The following SPIDR variants were observed in gnomAD, a reference collection of about 807,000 sequenced individuals.
The protein encoded by SPIDR is scaffold protein involved in DNA repair.
In SPIDR, 93 loss-of-function variants were observed where a neutral mutation model predicts 104.6. The ratio of observed to expected loss-of-function variants is 0.89; its 90% CI spans 0.75 to 1.06. The LOEUF (loss-of-function observed/expected upper bound fraction) is 1.06. Ranked by LOEUF, SPIDR falls within the 50% of genes least tolerant of loss-of-function variation. The pLI, the probability that SPIDR is intolerant of heterozygous loss-of-function variation, is 0.00. For missense variants in SPIDR, 1,154 were observed against 1,111.2 expected (o/e 1.04, Z -0.55); for synonymous variants, 431 against 416.9 (o/e 1.03, Z -0.41).
chr8:47,283,945 G>A, intron 2 of SPIDR, 83 bp from the exon 3 acceptor site: 1 of 981,154 alleles, frequency 1.0e-6, no homozygotes, highest in Non-Finnish European at 1.6e-6. Flanking sequence ...TAAGGAGAGT[G>A]TAGTTTAAGA....
intron 8 of SPIDR, among the ~76,000 whole-genome samples, chr8:47,514,826 T>C (rs996833981): frequency 3.9e-5 from 6 of 152,166 alleles, no homozygotes; most frequent in African/African-American, 1.4e-4. Context: ...ACAGCACACA[T>C]GGTTTCACAA....
chr8:47,412,071 T>C (rs1319621124), intron 7 of SPIDR, among the ~76,000 whole-genome samples: 1 of 152,206 alleles, frequency 6.6e-6, no homozygotes, highest in Non-Finnish European at 1.5e-5. Context: ...TGTAGCATAG[T>C]TTGAAGTCAG....
chr8:47,280,141 A>G, intron 2 of SPIDR, 124 bp downstream of exon 2: 4 of 881,408 alleles, frequency 4.5e-6, no homozygotes, highest in Admixed American at 3.0e-5. Flanking sequence ...TAACTGGTAC[A>G]CTCCTTTTCT....
At chr8:47,602,064 G>A (rs1309443350) in intron 10 of SPIDR, among the ~76,000 whole-genome samples, 3 of 152,146 alleles carry the variant, frequency 2.0e-5, no homozygotes, top group Non-Finnish European at 2.9e-5. Context: ...ATCTGCCTTC[G>A]AGACACATTT....
At chr8:47,398,902 C>G (rs1426484828) in intron 6 of SPIDR, among the ~76,000 whole-genome samples, 4 of 152,158 alleles carry the variant, frequency 2.6e-5, no homozygotes, top group Non-Finnish European at 5.9e-5. Context: ...GGGTGACCCA[C>G]TGTGACAGAT....
At chr8:47,550,832 T>C (rs939664812) in intron 8 of SPIDR, among the ~76,000 whole-genome samples, 4 of 152,172 alleles carry the variant, frequency 2.6e-5, no homozygotes, top group Non-Finnish European at 5.9e-5. Flanking sequence ...AAGGAGGGCA[T>C]CCCTGTCTTG....
At chr8:47,496,752 T>G (rs1282951329) in intron 8 of SPIDR, among the ~76,000 whole-genome samples, 1 of 151,132 alleles carries the variant, frequency 6.6e-6, no homozygotes, top group Non-Finnish European at 1.5e-5. Flanking sequence ...TGTAAAAGAT[T>G]GTTATGAATT....
chr8:47,342,417 G>A (rs1295818521), intron 5 of SPIDR, among the ~76,000 whole-genome samples: 5 of 135,960 alleles, frequency 3.7e-5, no homozygotes, highest in Non-Finnish European at 6.1e-5. Context: ...GCCCACTGCA[G>A]CCTCCGCCTC....
intron 10 of SPIDR, among the ~76,000 whole-genome samples, chr8:47,624,348 C>A (rs1588513040): frequency 6.6e-6 from 1 of 152,112 alleles, no homozygotes; most frequent in Non-Finnish European, 1.5e-5. Flanking sequence ...AGAGCAAACA[C>A]ATTCAAAAGC....
At chr8:47,344,092 A>G (rs2051347042) in intron 5 of SPIDR, among the ~76,000 whole-genome samples, 1 of 151,244 alleles carries the variant, frequency 6.6e-6, no homozygotes, top group African/African-American at 2.4e-5. Context: ...TACATTAGGT[A>G]TTTCTCCGAA....
intron 8 of SPIDR, among the ~76,000 whole-genome samples, chr8:47,498,495 G>A (rs911258363): frequency 6.6e-6 from 1 of 152,132 alleles, no homozygotes; most frequent in Non-Finnish European, 1.5e-5. Context: ...CTTAAGTTAT[G>A]AGTTACAATG....
At chr8:47,717,586 T>C (rs1314483279) in intron 16 of SPIDR, among the ~76,000 whole-genome samples, 1 of 152,128 alleles carries the variant, frequency 6.6e-6, no homozygotes, top group Non-Finnish European at 1.5e-5. Flanking sequence ...TGCCTGTTGG[T>C]ACACTGAGGG....
At chr8:47,734,294 G>A (rs2085799031) in intron 19 of SPIDR, among the ~76,000 whole-genome samples, 1 of 152,098 alleles carries the variant, frequency 6.6e-6, no homozygotes, top group Admixed American at 6.5e-5. Flanking sequence ...ATCACTTGGT[G>A]TCCCTTCCAC....
intron 8 of SPIDR, among the ~76,000 whole-genome samples, chr8:47,470,617 A>T (rs189698233): frequency 6.6e-6 from 1 of 152,220 alleles, no homozygotes; most frequent in African/African-American, 2.4e-5. Flanking sequence ...TGATCATTCA[A>T]TATGAAGAAC....
Position 47,735,707 on chromosome 8 carries a change from T to A in SPIDR, c.*257T>A. On this transcript the variant is annotated 3_prime_UTR_variant, in exon 20 of 20. Coordinates refer to ENST00000297423, the MANE Select transcript of SPIDR (RefSeq NM_001080394.4). ...ACTCGTTTTCACATTGAATCTTAAG[T>A]TTAAGCTCTTCATTTGGTATTTAGG... The A allele has an allele frequency of 1.2e-6, 1 of 815,738 alleles. No homozygotes were observed. The highest frequency in any genetic ancestry group is 1.8e-6 in the Non-Finnish European group (1 of 544,782). The allele number at this position is 815,738 out of a possible 1,614,324, so 50.5% of individuals were successfully genotyped here. A position where few individuals can be genotyped will look rare whatever the true frequency, so the allele number is the denominator to read the frequency against.
At chr8:47,393,592 G>A (rs2060863254) in intron 5 of SPIDR, among the ~76,000 whole-genome samples, 1 of 151,906 alleles carries the variant, frequency 6.6e-6, no homozygotes, top group Non-Finnish European at 1.5e-5. Flanking sequence ...AACTTCAGGT[G>A]CCAGATTCTG....
intron 10 of SPIDR, among the ~76,000 whole-genome samples, chr8:47,663,437 G>C (rs926230398): frequency 4.6e-5 from 7 of 152,236 alleles, no homozygotes; most frequent in African/African-American, 1.7e-4. Context: ...CAGTCCTGCT[G>C]TATTTAGCAC....
intron 8 of SPIDR, among the ~76,000 whole-genome samples, chr8:47,478,320 G>T (rs1308534902): frequency 1.3e-5 from 2 of 152,166 alleles, no homozygotes; most frequent in Non-Finnish European, 2.9e-5. Flanking sequence ...AGCAAGAAGG[G>T]ACAGACTTCT....
intron 5 of SPIDR, among the ~76,000 whole-genome samples, chr8:47,377,295 T>G (rs140674085): frequency 9.2e-5 from 14 of 152,366 alleles, no homozygotes; most frequent in African/African-American, 2.9e-4. Context: ...TACAATCCGA[T>G]AAACTTTGTG....
Sources: allele counts gnomAD v4.1 joint callset (sites outside exome capture counted in the v4.1 genomes callset), GRCh38; gene constraint gnomAD v4.1.1; transcripts MANE v1.5; gene names NCBI Gene and HGNC (gene_info 2026-07-23, HGNC 2026-07-21).